UNC5D: variants seen among roughly 807,000 people sequenced by gnomAD.
UNC5D encodes netrin receptor UNC5D.
Under a neutral mutation model 105.4 loss-of-function variants are expected in UNC5D, and 39 were observed. The ratio of observed to expected loss-of-function variants is 0.37; its 90% CI spans 0.29 to 0.48. The LOEUF is 0.48. UNC5D is among the 20% of genes least tolerant of loss of function. The pLI is 0.98. For synonymous variants in UNC5D, 452 were observed against 450.4 expected (o/e 1.00, Z -0.04); for missense variants, 991 against 1,202.4 (o/e 0.82, Z 2.60).
At chr8:35,734,334 T>TC (rs1354347975) in intron 11 of UNC5D, among the ~76,000 whole-genome samples, 2 of 33,816 alleles carry the variant, frequency 5.9e-5, no homozygotes, top group East Asian at 8.4e-4. Flanking sequence ...GTAATCACTG[T>TC]CAAAAAAAAA....
At position 35,774,453 on chromosome 8, in the gene UNC5D, T is replaced by C; in HGVS notation, c.2633T>C (p.Leu878Ser). The change falls in exon 16 of 17, where the codon TTA becomes TCA. Residue 878 changes from leucine (L) to serine (S), a missense_variant. Physicochemically the swap from Leu to Ser is moderately radical, Grantham distance 145. This residue lies in a region of UNC5D where 944 missense variants were observed against 1,131.6 expected (regional missense o/e 0.83). Transcript: ENST00000404895. Reference protein sequence around the residue: ...PNAKGKDWQMLAQKNSINRNL... With the variant: ...PNAKGKDWQMSAQKNSINRNL... ...GCCAAAGGCAAGGACTGGCAGATGTTAGCACAGAAAAACAGCATCAACAGG... is the reference window on the plus strand; with the variant it reads ...GCCAAAGGCAAGGACTGGCAGATGTCAGCACAGAAAAACAGCATCAACAGG... The C allele has an allele frequency of 6.2e-7, 1 of 1,614,030 alleles. No individual in the cohort carries two copies.
At chr8:35,657,477 T>C (rs1016826235) in intron 4 of UNC5D, among the ~76,000 whole-genome samples, 6 of 151,864 alleles carry the variant, frequency 4.0e-5, no homozygotes, top group Middle Eastern at 3.4e-3. Flanking sequence ...TGATAGAATA[T>C]TGTGATCATT....
At chr8:35,594,271 G>A (rs1048371210) in intron 3 of UNC5D, among the ~76,000 whole-genome samples, 1 of 152,144 alleles carries the variant, frequency 6.6e-6, no homozygotes, top group Non-Finnish European at 1.5e-5. Context: ...AGTAAAATTC[G>A]GAGGAAAGTG....
chr8:35,654,620 T>C (rs1263283294), intron 4 of UNC5D, among the ~76,000 whole-genome samples: 1 of 152,178 alleles, frequency 6.6e-6, no homozygotes, highest in Non-Finnish European at 1.5e-5. Context: ...TTCAAAGTTG[T>C]TGGTTTTTTT....
intron 2 of UNC5D, among the ~76,000 whole-genome samples, chr8:35,553,189 A>C (rs1168996585): frequency 6.6e-6 from 1 of 152,192 alleles, no homozygotes; most frequent in Non-Finnish European, 1.5e-5. Flanking sequence ...GAAGTATTGC[A>C]AGCCAATTCA....
At chr8:35,249,004 T>TG (rs1803474082) in intron 1 of UNC5D, among the ~76,000 whole-genome samples, 1 of 74,572 alleles carries the variant, frequency 1.3e-5, no homozygotes, top group Non-Finnish European at 2.4e-5. Flanking sequence ...TATATAAACA[T>TG]ATATAATATA....
chr8:35,590,348 ATATTT>A (rs72302737), intron 3 of UNC5D, among the ~76,000 whole-genome samples: 6,571 of 152,174 alleles, frequency 0.043, 191 homozygotes, highest in Non-Finnish European at 0.058. Context: ...GATCCAATGA[ATATTT>A]TATTTTATTA....
chr8:35,457,110 G>A (rs1370522846), intron 1 of UNC5D, among the ~76,000 whole-genome samples: 1 of 152,130 alleles, frequency 6.6e-6, no homozygotes, highest in East Asian at 1.9e-4. Context: ...CCGTTAATTA[G>A]GGTTGATTTG....
At chr8:35,348,505 T>C (rs781140679) in intron 1 of UNC5D, among the ~76,000 whole-genome samples, 1 of 150,706 alleles carries the variant, frequency 6.6e-6, no homozygotes, top group Non-Finnish European at 1.5e-5. Flanking sequence ...TTTGGAGCTT[T>C]AGATTACCCT....
chr8:35,605,885 A>G (rs541600924), intron 4 of UNC5D, among the ~76,000 whole-genome samples: 98 of 152,290 alleles, frequency 6.4e-4, no homozygotes, highest in African/African-American at 2.3e-3. Flanking sequence ...CACGCTTTTA[A>G]ATTAATAGAC....
At chr8:35,497,343 C>A (rs1811664217) in intron 1 of UNC5D, among the ~76,000 whole-genome samples, 1 of 152,158 alleles carries the variant, frequency 6.6e-6, no homozygotes, top group African/African-American at 2.4e-5. Context: ...GGTTATTAGA[C>A]CTGCTTCAGG....
At chr8:35,567,022 C>T (rs957747675) in intron 2 of UNC5D, among the ~76,000 whole-genome samples, 3 of 150,768 alleles carry the variant, frequency 2.0e-5, no homozygotes, top group African/African-American at 7.3e-5. Context: ...TCATGCTCTC[C>T]AGTTAGAAGC....
At chr8:35,311,787 G>A (rs1333353040) in intron 1 of UNC5D, among the ~76,000 whole-genome samples, 1 of 152,132 alleles carries the variant, frequency 6.6e-6, no homozygotes, top group African/African-American at 2.4e-5. Flanking sequence ...TAGAGACAAA[G>A]AGAACAGATC....
chr8:35,575,596 C>G (rs1818037036), intron 3 of UNC5D, among the ~76,000 whole-genome samples: 1 of 152,176 alleles, frequency 6.6e-6, no homozygotes, highest in Admixed American at 6.5e-5. Flanking sequence ...CCACTGCTCC[C>G]TTCCTATCTG....
chr8:35,657,080 G>GTGTATATATATATA (rs1281641556), intron 4 of UNC5D, among the ~76,000 whole-genome samples: 3 of 46,516 alleles, frequency 6.4e-5, no homozygotes, highest in African/African-American at 1.1e-4. Context: ...GTGTGTGTGT[G>GTGTATATATATATA]TATATATATA....
intron 4 of UNC5D, among the ~76,000 whole-genome samples, chr8:35,663,196 A>G (rs1824216902): frequency 6.6e-6 from 1 of 152,214 alleles, no homozygotes; most frequent in Non-Finnish European, 1.5e-5. Context: ...GATTGACCTG[A>G]GGAGCTACTG....
At chr8:35,378,345 G>A (rs191589346) in intron 1 of UNC5D, among the ~76,000 whole-genome samples, 6 of 152,262 alleles carry the variant, frequency 3.9e-5, no homozygotes, top group Admixed American at 3.9e-4. Flanking sequence ...TCCCTGGAGT[G>A]TCTGATCTTC....
intron 3 of UNC5D, among the ~76,000 whole-genome samples, chr8:35,591,783 C>T (rs1819191324): frequency 6.6e-6 from 1 of 152,104 alleles, no homozygotes; most frequent in Non-Finnish European, 1.5e-5. Flanking sequence ...ATAGAACCTG[C>T]TTTCATAGAA....
intron 1 of UNC5D, among the ~76,000 whole-genome samples, chr8:35,410,771 T>C (rs1429317937): frequency 1.3e-5 from 2 of 152,016 alleles, no homozygotes; most frequent in East Asian, 3.9e-4. Context: ...TTGCCCAAGG[T>C]TGCACACGAA....
Sources: allele counts gnomAD v4.1 joint callset (sites outside exome capture counted in the v4.1 genomes callset), GRCh38; gene constraint gnomAD v4.1.1; regional missense constraint gnomAD v4.1.1; transcripts MANE v1.5; gene names NCBI Gene and HGNC (gene_info 2026-07-23, HGNC 2026-07-21).